The following CPD variants were observed in gnomAD, a reference collection of about 807,000 sequenced individuals.
CPD encodes the protein metallocarboxypeptidase D.
CPD carries 69 observed loss-of-function variants against 138.3 expected under a neutral mutation model. The observed-to-expected ratio is 0.50, with a 90% CI of 0.41 to 0.61. The LOEUF is 0.61. Ranked by LOEUF, CPD falls within the 20% of genes least tolerant of loss-of-function variation. The pLI, the probability that CPD is intolerant of heterozygous loss-of-function variation, is 0.00. For synonymous variants in CPD, 651 were observed against 642.1 expected, an observed-to-expected ratio of 1.01 and a Z score of -0.21; for missense variants, 1,432 against 1,733.3, an observed-to-expected ratio of 0.83 and a Z score of 3.09.
At chr17:30,441,762 C>G in intron 9 of CPD, among the ~76,000 whole-genome samples, 1 of 132,576 alleles carries the variant, frequency 7.5e-6, no homozygotes, top group Admixed American at 7.9e-5. Context: ...GGATGAAGCC[C>G]ACTTGATCAT....
At chr17:30,401,302 A>ACTCCTCTTC (rs1206884253) in intron 2 of CPD, among the ~76,000 whole-genome samples, 2 of 89,674 alleles carry the variant, frequency 2.2e-5, no homozygotes, top group Non-Finnish European at 4.9e-5. Context: ...TTCTCCTCTT[A>ACTCCTCTTC]CTCCTCTTCC....
intron 9 of CPD, 144 bp from the exon 10 acceptor site, chr17:30,442,164 C>T: frequency 3.3e-6 from 2 of 611,582 alleles, no homozygotes; most frequent in South Asian, 2.5e-5. Context: ...TCGCAAGCAT[C>T]AAAGTGCCCT....
intron 14 of CPD, among the ~76,000 whole-genome samples, chr17:30,453,054 C>T: frequency 6.6e-6 from 1 of 152,142 alleles, no homozygotes; most frequent in East Asian, 1.9e-4. Context: ...AGATAAAATT[C>T]GAGTTGAGAT....
intron 2 of CPD, among the ~76,000 whole-genome samples, chr17:30,385,857 G>T (rs1438385799): frequency 6.6e-6 from 1 of 151,320 alleles, no homozygotes; most frequent in Non-Finnish European, 1.5e-5. Flanking sequence ...CCATAATCTA[G>T]ATTGTCACTT....
intron 2 of CPD, among the ~76,000 whole-genome samples, chr17:30,403,987 A>G (rs1911741639): frequency 6.6e-6 from 1 of 152,196 alleles, no homozygotes; most frequent in African/African-American, 2.4e-5. Context: ...GCATTATGCT[A>G]AGTGAAAGAA....
In CPD at chr17:30,398,256, T is replaced by C. The variant is rs1404744610; in HGVS notation, c.994+13020T>C. Among the ~76,000 whole-genome samples the C allele has an allele frequency of 2.0e-5, 3 of 152,060 alleles. No individual in the cohort carries two copies. The East Asian group carries it at 5.8e-4, about 29-fold the overall frequency. ...AATAGAACAGAATAGAATAATAGAATAGAATAATAATAGAATAATAGAAAC... is the reference window on the plus strand; with the variant it reads ...AATAGAACAGAATAGAATAATAGAACAGAATAATAATAGAATAATAGAAAC... On this transcript the variant is annotated intron_variant, in intron 2 of 20. Coordinates refer to ENST00000225719, the MANE Select transcript of CPD (RefSeq NM_001304.5).
intron 2 of CPD, among the ~76,000 whole-genome samples, chr17:30,389,126 A>C (rs1911277992): frequency 6.6e-6 from 1 of 152,110 alleles, no homozygotes; most frequent in South Asian, 2.1e-4. Flanking sequence ...TGACCCCATT[A>C]CGGCAGCCCC....
In CPD at chr17:30,420,873, A is replaced by T. The variant is rs751569499; in HGVS notation, c.1027A>T (p.Asn343Tyr). Residue 343 changes from asparagine (N) to tyrosine (Y), a missense_variant, in exon 3 of 21, where the codon AAC becomes TAC. By Grantham distance (143) the Asn-to-Tyr change is moderately radical. Transcript: ENST00000225719. ...GCAAGATTACAATTATGTGTGGGCC[A>T]ACTGTTTTGAGATCACATTAGAACT... ...GMQDYNYVWA[N>Y]CFEITLELSC... The T allele has an allele frequency of 2.5e-6, 4 of 1,612,626 alleles. No homozygotes were observed. In the East Asian group the frequency reaches 8.9e-5, roughly 36 times the overall value.
intron 2 of CPD, among the ~76,000 whole-genome samples, chr17:30,420,427 C>G (rs1031825412): frequency 1.3e-5 from 2 of 152,080 alleles, no homozygotes; most frequent in African/African-American, 4.8e-5. Context: ...TCTTTGTGCC[C>G]TACTTTTCAT....
At chr17:30,411,112 T>TA (rs1280317219) in intron 2 of CPD, among the ~76,000 whole-genome samples, 5 of 152,202 alleles carry the variant, frequency 3.3e-5, no homozygotes, top group Non-Finnish European at 5.9e-5. Flanking sequence ...GCCCTTCACT[T>TA]ACGAAGCTTA....
chr17:30,411,389 A>T (rs1404504389), intron 2 of CPD, among the ~76,000 whole-genome samples: 3 of 152,054 alleles, frequency 2.0e-5, no homozygotes, highest in Non-Finnish European at 2.9e-5. Context: ...TATTTCCTGA[A>T]TTTGAATATT....
chr17:30,402,357 A>G (rs1911696487), intron 2 of CPD, among the ~76,000 whole-genome samples: 1 of 152,166 alleles, frequency 6.6e-6, no homozygotes, highest in Non-Finnish European at 1.5e-5. Flanking sequence ...CTTGAGGTCC[A>G]GAGTTTGAGA....
In CPD at chr17:30,445,947, C is replaced by T. The variant is rs1251734106; in HGVS notation, c.2800C>T (p.His934Tyr). Reference protein sequence around the residue: ...SNLALALYRYHSYKDLSEFLR... With the variant: ...SNLALALYRYYSYKDLSEFLR... ...TCTGGCTCTGGCTCTTTATCGATAC[C>T]ATTCCTACAAAGACTTATCAGAGTT... The change falls in exon 12 of 21, where the codon CAT becomes TAT. Residue 934 changes from histidine to tyrosine, a missense_variant. By Grantham distance (83) the His-to-Tyr change is moderately conservative (BLOSUM62 2). This residue lies in a region of CPD where 124 missense variants were observed against 117.0 expected (regional missense o/e 1.06). Transcript: ENST00000225719. 4 of 1,614,028 alleles carry T rather than the reference C, an allele frequency of 2.5e-6. No individual in the cohort carries two copies. Among genetic ancestry groups the T allele is most frequent in the Non-Finnish European group, 3.4e-6 (4 of 1,179,964 alleles).
chr17:30,392,273 G>A (rs1384763563), intron 2 of CPD, among the ~76,000 whole-genome samples: 2 of 152,118 alleles, frequency 1.3e-5, no homozygotes, highest in African/African-American at 4.8e-5. Flanking sequence ...GCCTCCCAAA[G>A]TGCTAGGATT....
intron 8 of CPD, 56 bp from the exon 9 acceptor site, chr17:30,438,917 ATT>A: frequency 1.5e-5 from 15 of 1,024,592 alleles, no homozygotes; most frequent in South Asian, 3.2e-5. Flanking sequence ...TCTTTCCAGT[ATT>A]TTTTTTTGAT....
At position 30,445,811 on chromosome 17, in the gene CPD, C is replaced by G. The variant is rs1465553518; in HGVS notation, c.2664C>G (p.Ser888Arg). The change falls in exon 12 of 21, where the codon AGC becomes AGG. Residue 888 changes from serine (S) to arginine (R), a missense_variant. Physicochemically the swap from Ser to Arg is moderately radical, Grantham distance 110. This residue lies in a region of CPD where 124 missense variants were observed against 117.0 expected (regional missense o/e 1.06). Transcript: ENST00000225719. Reference protein sequence around the residue: ...NNESKKGKGASSSTNDASDPT... With the variant: ...NNESKKGKGARSSTNDASDPT... ...AATCAAAGAAAGGAAAAGGGGCTAG[C>G]AGCAGCACCAATGATGCCAGTGATC... The G allele has an allele frequency of 1.2e-6, 2 of 1,614,070 alleles. No individual in the cohort carries two copies. Among genetic ancestry groups the G allele is most frequent in the Non-Finnish European group, 1.7e-6 (2 of 1,179,986 alleles).
At chr17:30,380,606 T>C in intron 1 of CPD, 1 of 1,510,998 alleles carries the variant, frequency 6.6e-7, no homozygotes. Flanking sequence ...CTCAAGAAAT[T>C]AGTATAAAAC....
intron 8 of CPD, among the ~76,000 whole-genome samples, chr17:30,434,900 A>G (rs1417792151): frequency 6.6e-6 from 1 of 152,160 alleles, no homozygotes; most frequent in Non-Finnish European, 1.5e-5. Flanking sequence ...TCATAAAAAT[A>G]AAGAGGAAAA....
chr17:30,391,132 C>CT (rs5819898), intron 2 of CPD, among the ~76,000 whole-genome samples: 6 of 114,846 alleles, frequency 5.2e-5, no homozygotes, highest in African/African-American at 1.4e-4. Flanking sequence ...GCCTGGCCGC[C>CT]TTTTTTTTTT....
Sources: gnomAD v4.1 joint callset for allele counts (sites outside exome capture counted in the v4.1 genomes callset) on GRCh38, gnomAD v4.1.1 for gene constraint, gnomAD v4.1.1 regional missense constraint, MANE v1.5 for transcripts, NCBI Gene and HGNC (gene_info 2026-07-23, HGNC 2026-07-21) for gene names.